The following MGAM variants were observed in gnomAD, a reference collection of about 807,000 sequenced individuals.
The protein encoded by MGAM is maltase-glucoamylase.
A neutral mutation model predicts 358.8 loss-of-function variants in MGAM; 253 were observed. The ratio of observed to expected loss-of-function variants is 0.71; its 90% confidence interval spans 0.64 to 0.78. The LOEUF (loss-of-function observed/expected upper bound fraction) is 0.78. Ranked by LOEUF, MGAM falls within the 30% of genes least tolerant of loss-of-function variation. The pLI is 0.00. For synonymous variants in MGAM, 1,105 were observed against 1,227.1 expected, an observed-to-expected ratio of 0.90 and a Z score of 2.08; for missense variants, 3,080 against 3,432.6, an observed-to-expected ratio of 0.90 and a Z score of 2.57.
intron 2 of MGAM, among the ~76,000 whole-genome samples, chr7:141,989,641 A>G (rs1429592100): frequency 5.3e-5 from 8 of 151,596 alleles, no homozygotes; most frequent in African/African-American, 1.9e-4. Flanking sequence ...CTGCAGCCTC[A>G]AACTCCTGGG....
intron 67 of MGAM, 63 bp from the exon 68 acceptor site, chr7:142,100,739 A>C (rs892778024): frequency 2.2e-6 from 3 of 1,394,904 alleles, no homozygotes; most frequent in African/African-American, 1.4e-5. Flanking sequence ...GTTTGTATGT[A>C]AAGTCTTGGT....
Position 142,071,023 on chromosome 7 carries a change from G to A in MGAM, c.5091G>A (p.Trp1697Ter). ...TGVDINARGE[W>*]KTLPAPLDHI... is the part of the protein sequence containing the mutation. ...TGGATATTAATGCAAGAGGAGAGTG[G>A]AAGACCTTGCCAGCCCCTCTTGACC... The change falls in exon 44 of 71, where the codon TGG (tryptophan) becomes TGA (stop). Residue 1697 changes from tryptophan (W) to a stop codon, truncating the protein, a stop_gained. Coordinates refer to ENST00000475668, the MANE Select transcript of MGAM (RefSeq NM_001365693.1). LOFTEE classifies it high-confidence loss of function. 4 of 1,556,102 alleles carry A rather than the reference G, an allele frequency of 2.6e-6. 2 individuals carry two copies. Among genetic ancestry groups the A allele is most frequent in the Non-Finnish European group, 3.5e-6 (4 of 1,132,438 alleles).
rs554068221 is a variant in MGAM at position 142,082,713 on chromosome 7, G to A, written c.6268+142G>A. On this transcript the variant is annotated intron_variant, in intron 52 of 70. Transcript: ENST00000475668. ...GCTGTTTATTTTTTCTTTGTGTTTA[G>A]CCTTTCTGTTCATTTCAGTCTAATA... is the stretch of plus-strand genomic sequence containing the variant. The A allele has an allele frequency of 6.0e-5, 43 of 716,390 alleles. 9 individuals carry two copies. Among genetic ancestry groups the A allele is most frequent in the Middle Eastern group, 2.5e-4 (1 of 4,064 alleles). The allele number at this position is 716,390 out of a possible 1,614,324, so 44.4% of individuals were successfully genotyped here.
Position 142,012,822 on chromosome 7 carries a change from G to T in MGAM, c.327+4117G>T, listed in dbSNP as rs137916014. Among the ~76,000 whole-genome samples, 289 of 152,136 alleles carry T rather than the reference G, an allele frequency of 1.9e-3. 1 individual carries two copies. The highest frequency in any genetic ancestry group is 3.0e-3 in the Admixed American group (46 of 15,276). ...TACCTGGTACCTTGGTGAAAATGGT[G>T]GTAAGACTGACTGCACCCTCTTCCC... On this transcript the variant is annotated intron_variant, in intron 3 of 70. Coordinates refer to ENST00000475668, the MANE Select transcript of MGAM (RefSeq NM_001365693.1).
chr7:142,086,320 T>C lies in MGAM; in HGVS notation c.6739T>C (p.Trp2247Arg). The change falls in exon 56 of 71, where the codon TGG (tryptophan) becomes CGG (arginine). Residue 2247 changes from tryptophan (W) to arginine (R), a missense_variant. Around this residue, in one of 5 missense-constraint regions of MGAM, gnomAD observed 932 missense variants for 1,198.2 expected, o/e 0.78. Coordinates refer to ENST00000475668, the MANE Select transcript of MGAM (RefSeq NM_001365693.1). Reference protein sequence around the residue: ...IKYPNDGDIVWGKVWPDFPDV... With the variant: ...IKYPNDGDIVRGKVWPDFPDV... ...GTACCCAAATGATGGAGACATTGTC[T>C]GGGGAAAGGTATAATCCTAAGCGAT... 6.5e-7 allele frequency: 1 copy of C among 1,530,524 alleles called. No homozygotes were observed. The highest frequency in any genetic ancestry group is 8.9e-7 in the Non-Finnish European group (1 of 1,117,536). 94.8% of individuals were successfully genotyped at this position (1,530,524 alleles called of 1,614,324 possible).
At chr7:142,103,821 A>T (rs1816631765) in intron 70 of MGAM, among the ~76,000 whole-genome samples, 1 of 152,092 alleles carries the variant, frequency 6.6e-6, no homozygotes, top group African/African-American at 2.4e-5. Flanking sequence ...AGAAAAAAGG[A>T]TGACAAAACT....
intron 19 of MGAM, among the ~76,000 whole-genome samples, chr7:142,039,472 G>C (rs1808309697): frequency 6.6e-6 from 1 of 152,038 alleles, no homozygotes; most frequent in Non-Finnish European, 1.5e-5. Context: ...CAAGGGAATG[G>C]TGTAAACCAT....
At chr7:142,083,207 G>A in intron 52 of MGAM, 94 bp from the exon 53 acceptor site, 1 of 982,020 alleles carries the variant, frequency 1.0e-6, no homozygotes, top group Non-Finnish European at 1.5e-6. Context: ...CTCTACGATA[G>A]GGAGGGTGCA....
At chr7:142,054,043 C>T (rs1811264491) in intron 26 of MGAM, among the ~76,000 whole-genome samples, 1 of 152,170 alleles carries the variant, frequency 6.6e-6, no homozygotes, top group Non-Finnish European at 1.5e-5. Flanking sequence ...GACTTGATCT[C>T]CTTTCTTTGT....
rs776974464 is a variant in MGAM, at chr7:142,103,291, T to C, written c.8036T>C (p.Ile2679Thr). Residue 2679 changes from isoleucine (I) to threonine (T), a missense_variant, in exon 70 of 71, where the codon ATT becomes ACT. Ile to Thr is a moderately conservative substitution (Grantham distance 89). Around this residue, in one of 5 missense-constraint regions of MGAM, gnomAD observed 194 missense variants for 172.8 expected, o/e 1.12. Transcript: ENST00000475668. Reference sequence around the variant, plus strand: ...CAGAATACGATGCAAAGCCATATAATTTTCAACAATTACATCACTGGTACA... The same window carrying C: ...CAGAATACGATGCAAAGCCATATAACTTTCAACAATTACATCACTGGTACA... Reference protein sequence around the residue: ...ASQNTMQSHIIFNNYITGTNP... With the variant: ...ASQNTMQSHITFNNYITGTNP... The C allele has an allele frequency of 5.6e-6, 9 of 1,609,144 alleles. No individual in the cohort carries two copies. Among genetic ancestry groups the C allele is most frequent in the Non-Finnish European group, 7.6e-6 (9 of 1,178,172 alleles).
chr7:142,001,039 T>C (rs1554450476), intron 1 of MGAM, among the ~76,000 whole-genome samples: 1 of 152,208 alleles, frequency 6.6e-6, no homozygotes, highest in Non-Finnish European at 1.5e-5. Flanking sequence ...GAACATAAGA[T>C]TACTCTTTGC....
At position 142,026,631 on chromosome 7, in the gene MGAM, G is replaced by A. The variant is rs117704763; in HGVS notation, c.983-484G>A. Among the ~76,000 whole-genome samples, 754 of 152,252 alleles carry A rather than the reference G, an allele frequency of 5.0e-3. 3 individuals carry two copies. Among genetic ancestry groups the A allele is most frequent in the Non-Finnish European group, 8.4e-3 (569 of 68,010 alleles). On this transcript the variant is annotated intron_variant, in intron 8 of 70. Coordinates refer to ENST00000475668, the MANE Select transcript of MGAM (RefSeq NM_001365693.1). ...GTAGGTGGGAGGATGTGATAGTCTT[G>A]TAACACTGTTTATCTGGGAATGGTG...
At chr7:141,994,801 C>T (rs782768734), upstream of MGAM, among the ~76,000 whole-genome samples, 9 of 152,278 alleles carry the variant, frequency 5.9e-5, no homozygotes, top group African/African-American at 1.2e-4. Flanking sequence ...TCTGGCCTGC[C>T]GCCATGTTAA....
chr7:142,050,182 G>T, intron 22 of MGAM, 53 bp from the exon 23 acceptor site: 1 of 1,573,648 alleles, frequency 6.4e-7, no homozygotes, highest in Non-Finnish European at 8.7e-7. Context: ...GGTGAAATCT[G>T]TTCTTCTGAG....
chr7:142,001,463 G>A (rs1378303183), intron 1 of MGAM, among the ~76,000 whole-genome samples: 2 of 152,180 alleles, frequency 1.3e-5, no homozygotes, highest in African/African-American at 4.8e-5. Flanking sequence ...CCTAAATTAG[G>A]GAGTCATGAA....
At chr7:142,078,602 T>A in intron 48 of MGAM, 132 bp downstream of exon 48, 4 of 1,129,996 alleles carry the variant, frequency 3.5e-6, no homozygotes, top group Non-Finnish European at 4.9e-6. Flanking sequence ...ATGATCTGGA[T>A]GTGACAAGTA....
Position 142,089,954 on chromosome 7 carries a change from C to A in MGAM, c.6811-1959C>A, listed in dbSNP as rs1276892411. The stretch of plus-strand genomic sequence containing the variant: ...CTTTACTGAATATAAAACAAACAGC[C>A]AACAGCCCCATGAAAAGCAGATTTC... On this transcript the variant is annotated intron_variant, in intron 57 of 70. Transcript: ENST00000475668. Among the ~76,000 whole-genome samples the A allele has an allele frequency of 2.1e-5, 3 of 146,172 alleles. 1 individual carries two copies. The highest frequency in any genetic ancestry group is 4.6e-5 in the Non-Finnish European group (3 of 64,592).
In MGAM at chr7:142,067,437, G is replaced by T; in HGVS notation, c.5004+12G>T. ...CTGTCCTGGAGCGCGTGAGTATGGAGGCCTCCGATGAGGGGAGGATCCCAG... is the reference window on the plus strand; with the variant it reads ...CTGTCCTGGAGCGCGTGAGTATGGATGCCTCCGATGAGGGGAGGATCCCAG... On this transcript the variant is annotated intron_variant, in intron 42 of 70. Transcript: ENST00000475668. 5 of 1,546,834 alleles carry T rather than the reference G, an allele frequency of 3.2e-6. 1 individual carries two copies. The highest frequency in any genetic ancestry group is 4.4e-6 in the Non-Finnish European group (5 of 1,125,056).
In MGAM at chr7:142,058,002, A is replaced by G. The variant is rs539537975; in HGVS notation, c.3694-201A>G. Reference sequence around the variant, plus strand: ...GGAATAGCGTAACATCAGATTTTCCATAATTTTTAAGAAGGAGCTCAAGTC... The same window carrying G: ...GGAATAGCGTAACATCAGATTTTCCGTAATTTTTAAGAAGGAGCTCAAGTC... On this transcript the variant is annotated intron_variant, in intron 30 of 70. Coordinates refer to ENST00000475668, the MANE Select transcript of MGAM (RefSeq NM_001365693.1). Among the ~76,000 whole-genome samples the G allele has an allele frequency of 4.6e-5, 7 of 152,286 alleles. No individual in the cohort carries two copies. The South Asian group carries it at 1.5e-3, about 32-fold the overall frequency.
Sources: allele counts gnomAD v4.1 joint callset (sites outside exome capture counted in the v4.1 genomes callset), GRCh38; gene constraint gnomAD v4.1.1; regional missense constraint gnomAD v4.1.1; transcripts MANE v1.5; gene names NCBI Gene and HGNC (gene_info 2026-07-23, HGNC 2026-07-21).